URM1: variants seen among roughly 807,000 people sequenced by gnomAD.
URM1 encodes the protein ubiquitin-related modifier 1.
A neutral mutation model predicts 17.7 loss-of-function variants in URM1; 11 were observed. The ratio of observed to expected loss-of-function variants is 0.62; its 90% confidence interval spans 0.39 to 1.03. URM1 has a LOEUF of 1.03. Ranked by LOEUF, URM1 falls within the 50% of genes least tolerant of loss-of-function variation. URM1 has a pLI of 0.00. For missense variants in URM1, 128 were observed against 129.2 expected (o/e 0.99, Z 0.04); for synonymous variants, 48 against 50.6 (o/e 0.95, Z 0.22).
In URM1 at chr9:128,387,890, G is replaced by GTGA. The variant is rs1212836989; in HGVS notation, c.181_182insTGA (p.Asp61delinsValAsn). 8 of 1,614,048 alleles carry GTGA rather than the reference G, an allele frequency of 5.0e-6. No homozygotes were observed. In the East Asian group the frequency reaches 1.8e-4, roughly 36 times the overall value. The stretch of plus-strand genomic sequence containing the variant: ...GCGGCCAGAGTTGTTCATCCAGGGA[G>GTGA]ACAGCGTGTGAGTCCCACTCCTCCC... On this transcript the variant is annotated protein_altering_variant, in exon 3 of 5. Coordinates refer to ENST00000372853, the MANE Select transcript of URM1 (RefSeq NM_030914.4). The surrounding 1 kb of genome is among the most constrained non-coding windows in gnomAD (Gnocchi z 4.3).
At chr9:128,376,678 A>T (rs947390845) in intron 1 of URM1, among the ~76,000 whole-genome samples, 45 of 137,024 alleles carry the variant, frequency 3.3e-4, no homozygotes, top group African/African-American at 9.5e-4. Context: ...AAATTTTTTT[A>T]AAAAGTAAAA....
chr9:128,386,179 C>T (rs79713158), intron 2 of URM1, among the ~76,000 whole-genome samples: 13,954 of 152,280 alleles, frequency 0.092, 725 homozygotes, highest in Middle Eastern at 0.17. Flanking sequence ...GGCACACCCC[C>T]GCCCGCTAGG....
rs1449744926 is a variant in URM1 at position 128,389,292 on chromosome 9, G to T, written c.220G>T (p.Ala74Ser). 6.2e-7 allele frequency: 1 copy of T among 1,609,120 alleles called. No homozygotes were observed. The highest frequency in any genetic ancestry group is 1.3e-5 in the African/African-American group (1 of 74,774). ...AGGAATTCTGGTGCTGATTAACGATGCCGACTGGGAGCTACTGGTCAGTAC... is the reference window on the plus strand; with the variant it reads ...AGGAATTCTGGTGCTGATTAACGATTCCGACTGGGAGCTACTGGTCAGTAC... ...RPGILVLIND[A>S]DWELLGELDY... Residue 74 changes from alanine (A) to serine (S), a missense_variant, in exon 4 of 5, where the codon GCC becomes TCC. By Grantham distance (99) the Ala-to-Ser change is moderately conservative. Coordinates refer to ENST00000372853, the MANE Select transcript of URM1 (RefSeq NM_030914.4).
intron 3 of URM1, chr9:128,388,197 G>A: frequency 8.2e-7 from 1 of 1,220,898 alleles, no homozygotes; most frequent in Non-Finnish European, 1.0e-6. Flanking sequence ...CTGGGCCTCA[G>A]TTACTCTCTA....
At chr9:128,388,897 A>G (rs1268133273) in intron 3 of URM1, 2 of 1,039,166 alleles carry the variant, frequency 1.9e-6, no homozygotes, top group Non-Finnish European at 2.3e-6. Context: ...CAGTGTGGCA[A>G]GCACTCCACA....
chr9:128,391,497 C>T lies in URM1; in HGVS notation c.*1763C>T, dbSNP rs1490296976. 2 of 152,214 alleles carry T rather than the reference C, an allele frequency of 1.3e-5. No individual in the cohort carries two copies. The highest frequency in any genetic ancestry group is 2.9e-5 in the Non-Finnish European group (2 of 68,072). 9.4% of individuals were successfully genotyped at this position (152,214 alleles called of 1,614,324 possible). Reference sequence around the variant, plus strand: ...TCACTAGTTCCTGAGGTCAGGGTCTCCATGTTAGGGAACAGAGCAAGAGAC... The same window carrying T: ...TCACTAGTTCCTGAGGTCAGGGTCTTCATGTTAGGGAACAGAGCAAGAGAC... On this transcript the variant is annotated 3_prime_UTR_variant, in exon 5 of 5. Coordinates refer to ENST00000372853, the MANE Select transcript of URM1 (RefSeq NM_030914.4).
rs375814525 is a variant in URM1, at chr9:128,389,216, C to T, written c.189-45C>T. 3.8e-6 allele frequency: 6 copies of T among 1,561,656 alleles called. No homozygotes were observed. In the African/African-American group the frequency reaches 8.1e-5, roughly 21 times the overall value. ...AGCCTCTCTTCCTCTGTGCTACTGCCTCCTGCCTCTCACTCCTTGCTACTC... is the reference window on the plus strand; with the variant it reads ...AGCCTCTCTTCCTCTGTGCTACTGCTTCCTGCCTCTCACTCCTTGCTACTC... On this transcript the variant is annotated intron_variant, in intron 3 of 4. Transcript: ENST00000372853.
At chr9:128,380,632 T>C (rs1173184312) in intron 2 of URM1, among the ~76,000 whole-genome samples, 1 of 151,974 alleles carries the variant, frequency 6.6e-6, no homozygotes, top group Non-Finnish European at 1.5e-5. Context: ...TCTTTTTTTT[T>C]TCTTTTCTTT....
At position 128,390,344 on chromosome 9, in the gene URM1, C is replaced by G. The variant is rs1463582993; in HGVS notation, c.*610C>G. On this transcript the variant is annotated 3_prime_UTR_variant, in exon 5 of 5. Coordinates refer to ENST00000372853, the MANE Select transcript of URM1 (RefSeq NM_030914.4). Reference sequence around the variant, plus strand: ...CCCTCCTGCTCCCCCCACCCCTAGCCCTTGACCCTGGCTGGCCTGCCCCGC... The same window carrying G: ...CCCTCCTGCTCCCCCCACCCCTAGCGCTTGACCCTGGCTGGCCTGCCCCGC... The G allele has an allele frequency of 2.0e-5, 3 of 153,570 alleles. No individual in the cohort carries two copies. Among genetic ancestry groups the G allele is most frequent in the African/African-American group, 4.8e-5 (2 of 41,434 alleles). 9.5% of individuals were successfully genotyped at this position (153,570 alleles called of 1,614,324 possible).
Position 128,387,570 on chromosome 9 carries a change from G to T in URM1, c.107-246G>T, listed in dbSNP as rs1441307750. On this transcript the variant is annotated intron_variant, in intron 2 of 4. Transcript: ENST00000372853. The surrounding 1 kb of genome is among the most constrained non-coding windows in gnomAD (Gnocchi z 4.3). ...CCCCCCACTATAGGTAAATCCCATT[G>T]CCTCTTCTCCAGGACTTCAGCAGTG... is the stretch of plus-strand genomic sequence containing the variant. Among the ~76,000 whole-genome samples the T allele has an allele frequency of 6.6e-6, 1 of 152,180 alleles. No individual in the cohort carries two copies. Among genetic ancestry groups the T allele is most frequent in the East Asian group, 1.9e-4 (1 of 5,188 alleles).
chr9:128,380,727 C>A (rs1833148637), intron 2 of URM1, among the ~76,000 whole-genome samples: 2 of 151,770 alleles, frequency 1.3e-5, no homozygotes, highest in Admixed American at 1.3e-4. Flanking sequence ...CCCCCACCTC[C>A]TGGGTTCAAG....
At position 128,389,914 on chromosome 9, in the gene URM1, C is replaced by G. The variant is rs919726838; in HGVS notation, c.*180C>G. The G allele has an allele frequency of 1.3e-6, 1 of 785,340 alleles. No homozygotes were observed. Among genetic ancestry groups the G allele is most frequent in the Non-Finnish European group, 2.0e-6 (1 of 507,216 alleles). The allele number at this position is 785,340 out of a possible 1,614,324, so 48.6% of individuals were successfully genotyped here. A position where few individuals can be genotyped will look rare whatever the true frequency, so the allele number is the denominator to read the frequency against. ...GCTAAAAATGAGCCTTTCTCAAGCA[C>G]GTGAGCAGCGGAAGGCAGACAGGCG... On this transcript the variant is annotated 3_prime_UTR_variant, in exon 5 of 5. Coordinates refer to ENST00000372853, the MANE Select transcript of URM1 (RefSeq NM_030914.4).
intron 2 of URM1, among the ~76,000 whole-genome samples, chr9:128,384,993 G>C (rs990382368): frequency 1.3e-5 from 2 of 152,154 alleles, no homozygotes; most frequent in Non-Finnish European, 2.9e-5. Flanking sequence ...CAAGTGTTGA[G>C]TCAGAGACAC....
chr9:128,389,636 G>A (rs1298488320), intron 4 of URM1, 30 bp from the exon 5 acceptor site: 1 of 1,612,748 alleles, frequency 6.2e-7, no homozygotes, highest in Non-Finnish European at 8.5e-7. Flanking sequence ...TGGCCCTGAG[G>A]GTCTCCCGCT....
intron 1 of URM1, among the ~76,000 whole-genome samples, chr9:128,372,034 T>C (rs192413771): frequency 6.6e-6 from 1 of 152,216 alleles, no homozygotes; most frequent in African/African-American, 2.4e-5. Context: ...AGGGACAGTA[T>C]AGTATACACA....
At chr9:128,383,976 G>C (rs1220296623) in intron 2 of URM1, among the ~76,000 whole-genome samples, 1 of 152,172 alleles carries the variant, frequency 6.6e-6, no homozygotes, top group Admixed American at 6.5e-5. Context: ...GTCACTGTGG[G>C]CTTACAGCTC....
chr9:128,377,947 C>T (rs776524891), intron 1 of URM1, 89 bp from the exon 2 acceptor site: 3 of 1,399,114 alleles, frequency 2.1e-6, no homozygotes, highest in East Asian at 2.3e-5. Context: ...CCTTCATTAC[C>T]AGCCCTATCC....
intron 2 of URM1, among the ~76,000 whole-genome samples, chr9:128,378,492 G>A (rs1472373013): frequency 5.5e-5 from 7 of 126,220 alleles, no homozygotes; most frequent in African/African-American, 9.1e-5. Context: ...GCAGTGAGCC[G>A]AGATCATGCC....
In URM1 at chr9:128,381,305, A is replaced by C. The variant is rs113326562; in HGVS notation, c.106+3199A>C. Among the ~76,000 whole-genome samples, 256 of 152,342 alleles carry C rather than the reference A, an allele frequency of 1.7e-3. 1 individual carries two copies. The highest frequency in any genetic ancestry group is 6.0e-3 in the African/African-American group (250 of 41,580). On this transcript the variant is annotated intron_variant, in intron 2 of 4. Coordinates refer to ENST00000372853, the MANE Select transcript of URM1 (RefSeq NM_030914.4). ...AATAAACAAGTAAACAAATGAATGTATAACTGCGTCATTACAACTTTTAGT... is the reference window on the plus strand; with the variant it reads ...AATAAACAAGTAAACAAATGAATGTCTAACTGCGTCATTACAACTTTTAGT...
Sources: allele counts gnomAD v4.1 joint callset (sites outside exome capture counted in the v4.1 genomes callset), GRCh38; gene constraint gnomAD v4.1.1; non-coding constraint Gnocchi (gnomAD v3.1); transcripts MANE v1.5; gene names NCBI Gene and HGNC (gene_info 2026-07-23, HGNC 2026-07-21).